NTM: variants seen among roughly 807,000 people sequenced by gnomAD.
NTM encodes the protein neurotrimin.
NTM carries 13 observed loss-of-function variants against 42.1 expected under a neutral mutation model. The ratio of observed to expected loss-of-function variants is 0.31; its 90% CI spans 0.20 to 0.49. The LOEUF is 0.49. NTM is among the 20% of genes least tolerant of loss of function. The pLI is 0.99. For missense variants in NTM, 373 were observed against 452.8 expected (o/e 0.82, Z 1.60); for synonymous variants, 187 against 179.2 (o/e 1.04, Z -0.35).
chr11:131,925,262 T>C (rs1258387036), intron 2 of NTM, among the ~76,000 whole-genome samples: 2 of 152,166 alleles, frequency 1.3e-5, no homozygotes, highest in Non-Finnish European at 2.9e-5. Context: ...TAATATCCAG[T>C]GTTTTAATTG....
At chr11:131,560,816 G>A (rs1011933313) in intron 1 of NTM, among the ~76,000 whole-genome samples, 2 of 152,084 alleles carry the variant, frequency 1.3e-5, no homozygotes, top group Admixed American at 6.6e-5. Context: ...TTTGGCTCCA[G>A]AGCTTTCTGT....
chr11:131,759,266 T>G (rs190370011), intron 1 of NTM, among the ~76,000 whole-genome samples: 1 of 152,292 alleles, frequency 6.6e-6, no homozygotes, highest in East Asian at 1.9e-4. Context: ...AAGAACTGCT[T>G]CAGGCTTTCA....
intron 2 of NTM, among the ~76,000 whole-genome samples, chr11:132,033,128 A>C (rs1025548802): frequency 6.6e-6 from 1 of 152,198 alleles, no homozygotes; most frequent in Non-Finnish European, 1.5e-5. Flanking sequence ...TGTGCCCACT[A>C]TACACAGATA....
intron 2 of NTM, among the ~76,000 whole-genome samples, chr11:132,053,802 T>A (rs2079193274): frequency 6.6e-6 from 1 of 152,208 alleles, no homozygotes; most frequent in Non-Finnish European, 1.5e-5. Context: ...AGGTTCTTTA[T>A]TTTTTTGTGC....
chr11:132,311,625 A>AAATT (rs1434954888), intron 6 of NTM, among the ~76,000 whole-genome samples: 21 of 152,216 alleles, frequency 1.4e-4, no homozygotes, highest in Non-Finnish European at 3.1e-4. Flanking sequence ...TGAGGCATAA[A>AAATT]AATTAATTAT....
chr11:131,843,895 CT>C (rs368465629), intron 1 of NTM, among the ~76,000 whole-genome samples: 5 of 144,396 alleles, frequency 3.5e-5, no homozygotes, highest in South Asian at 4.3e-4. Flanking sequence ...ATTTTATTCT[CT>C]TTTTTTTCAC....
chr11:131,924,237 G>T (rs1375106772), intron 2 of NTM, among the ~76,000 whole-genome samples: 1 of 152,114 alleles, frequency 6.6e-6, no homozygotes, highest in Non-Finnish European at 1.5e-5. Context: ...GCAGTTCATT[G>T]CTTTTGGCAT....
At chr11:131,734,507 A>C (rs985021811) in intron 1 of NTM, among the ~76,000 whole-genome samples, 3 of 152,172 alleles carry the variant, frequency 2.0e-5, no homozygotes, top group African/African-American at 7.2e-5. Flanking sequence ...AGAGGAACCC[A>C]GATATAAATA....
At chr11:132,131,466 T>G (rs1591712475) in intron 2 of NTM, among the ~76,000 whole-genome samples, 1 of 152,232 alleles carries the variant, frequency 6.6e-6, no homozygotes, top group Non-Finnish European at 1.5e-5. Context: ...AATTGCCATA[T>G]GGGCTGGCAA....
At chr11:131,957,542 T>G (rs2061680914) in intron 2 of NTM, among the ~76,000 whole-genome samples, 2 of 152,236 alleles carry the variant, frequency 1.3e-5, no homozygotes, top group Non-Finnish European at 2.9e-5. Context: ...ACTGCAAGAC[T>G]AGTGCATTCT....
At chr11:132,122,227 A>T (rs2064960607) in intron 2 of NTM, among the ~76,000 whole-genome samples, 1 of 152,140 alleles carries the variant, frequency 6.6e-6, no homozygotes, top group African/African-American at 2.4e-5. Flanking sequence ...TGCCAAAGTG[A>T]TCTCTGCCTG....
intron 1 of NTM, among the ~76,000 whole-genome samples, chr11:131,624,285 C>G (rs1205982561): frequency 6.6e-6 from 1 of 152,186 alleles, no homozygotes; most frequent in Non-Finnish European, 1.5e-5. Context: ...GGCATCGTGT[C>G]TCTGCATTTA....
At chr11:132,199,907 G>A (rs1001868384) in intron 3 of NTM, among the ~76,000 whole-genome samples, 1 of 151,732 alleles carries the variant, frequency 6.6e-6, no homozygotes, top group Non-Finnish European at 1.5e-5. Context: ...AAGACATTCG[G>A]TATTTCTAGG....
chr11:131,891,063 C>T (rs1225932607), intron 1 of NTM, among the ~76,000 whole-genome samples: 4 of 152,118 alleles, frequency 2.6e-5, no homozygotes, highest in African/African-American at 7.2e-5. Context: ...AACATGGGCA[C>T]ATTGATTTAG....
intron 1 of NTM, among the ~76,000 whole-genome samples, chr11:131,421,421 G>A (rs1398591643): frequency 6.6e-6 from 1 of 152,178 alleles, no homozygotes; most frequent in African/African-American, 2.4e-5. Flanking sequence ...GGCATCAGAG[G>A]GATGCTGAAG....
chr11:131,774,138 A>G (rs2086588622), intron 1 of NTM: 8 of 984,828 alleles, frequency 8.1e-6, no homozygotes, highest in Non-Finnish European at 9.6e-6. Flanking sequence ...CGAATTCTTC[A>G]TAAATGTCAG....
intron 1 of NTM, among the ~76,000 whole-genome samples, chr11:131,779,040 C>T (rs998272791): frequency 2.6e-5 from 4 of 152,214 alleles, no homozygotes; most frequent in Admixed American, 6.5e-5. Flanking sequence ...AGGAAGCAAA[C>T]GGCACCATTG....
At chr11:132,283,475 G>A (rs756658830) in intron 4 of NTM, among the ~76,000 whole-genome samples, 30 of 152,084 alleles carry the variant, frequency 2.0e-4, no homozygotes, top group Non-Finnish European at 3.7e-4. Context: ...GTGCCTCATC[G>A]TCTTTGTCAA....
intron 2 of NTM, among the ~76,000 whole-genome samples, chr11:132,024,670 C>T (rs914822750): frequency 5.3e-5 from 8 of 152,142 alleles, no homozygotes; most frequent in South Asian, 2.1e-4. Flanking sequence ...ACCTCAGATG[C>T]GCAGATACAG....
Sources: gnomAD v4.1 joint callset for allele counts (sites outside exome capture counted in the v4.1 genomes callset) on GRCh38, gnomAD v4.1.1 for gene constraint, MANE v1.5 for transcripts, NCBI Gene and HGNC (gene_info 2026-07-23, HGNC 2026-07-21) for gene names.